PTPRF: variants seen among roughly 807,000 people sequenced by gnomAD.
PTPRF encodes the protein protein tyrosine phosphatase receptor type F.
A neutral mutation model predicts 201.8 loss-of-function variants in PTPRF; 59 were observed. That is an observed-to-expected ratio of 0.29 (90% CI 0.24 to 0.36). PTPRF has a LOEUF of 0.36. Ranked by LOEUF, PTPRF falls within the 10% of genes least tolerant of loss-of-function variation. The pLI is 1.00. For synonymous variants in PTPRF, 1,088 were observed against 1,089.7 expected, an observed-to-expected ratio of 1.00 and a Z score of 0.03; for missense variants, 2,132 against 2,690.5, an observed-to-expected ratio of 0.79 and a Z score of 4.59.
At chr1:43,529,954 T>C (rs74071932), upstream of PTPRF, among the ~76,000 whole-genome samples, 864 of 152,088 alleles carry the variant, frequency 5.7e-3, 7 homozygotes, top group African/African-American at 0.02. Flanking sequence ...TGGTATAATA[T>C]TGGGGTATTA....
Position 43,619,504 on chromosome 1 carries a change from T to C in PTPRF, c.4863T>C (p.Tyr1621=), listed in dbSNP as rs1470084341. 6.2e-7 allele frequency: 1 copy of C among 1,613,918 alleles called. No individual in the cohort carries two copies. The highest frequency in any genetic ancestry group is 8.5e-7 in the Non-Finnish European group (1 of 1,180,020). ...CAGAGGTGCCTGCCCGCAACCTGTA[T>C]GCCCACATCCAGAAGCTGGGCCAAG... ...GHTEVPARNL[Y]AHIQKLGQVP... Residue 1621 remains tyrosine, a synonymous_variant, in exon 28 of 34, where the codon TAT becomes TAC. Coordinates refer to ENST00000359947, the MANE Select transcript of PTPRF (RefSeq NM_002840.5).
intron 1 of PTPRF, among the ~76,000 whole-genome samples, chr1:43,534,431 GAT>G (rs1389806719): frequency 1.3e-5 from 2 of 152,186 alleles, no homozygotes; most frequent in African/African-American, 2.4e-5. Flanking sequence ...TGCTGGCTTT[GAT>G]AGGTGGTAGC....
In PTPRF at chr1:43,619,128, TC is replaced by T; in HGVS notation, c.4575del (p.Ile1526SerfsTer14). On this transcript the variant is annotated frameshift_variant, in exon 27 of 34. Coordinates refer to ENST00000359947, the MANE Select transcript of PTPRF (RefSeq NM_002840.5). LOFTEE classifies it high-confidence loss of function. ...PDHGVPEYPTPILAFLRRVKA... is the reference protein window; with the variant it reads ...PDHGVPEYPTXILAFLRRVKA... Reference sequence around the variant, plus strand: ...ACCATGGAGTTCCTGAGTACCCAACTCCCATCCTGGCCTTCCTACGACGGGT... The same window carrying T: ...ACCATGGAGTTCCTGAGTACCCAACTCCATCCTGGCCTTCCTACGACGGGT... 1 of 1,611,652 alleles carries T rather than the reference TC, an allele frequency of 6.2e-7. No homozygotes were observed. The highest frequency in any genetic ancestry group is 8.5e-7 in the Non-Finnish European group (1 of 1,179,226).
rs1216822839 is a variant in PTPRF at position 43,598,834 on chromosome 1, A to T, written c.2234A>T (p.Gln745Leu). 4.3e-6 allele frequency: 7 copies of T among 1,614,184 alleles called. No homozygotes were observed. Among genetic ancestry groups the T allele is most frequent in the Admixed American group, 3.3e-5 (2 of 60,016 alleles). Reference protein sequence around the residue: ...SKQHGQIRGYQVTYVRLENGE... With the variant: ...SKQHGQIRGYLVTYVRLENGE... ...CAGCATGGCCAGATCCGCGGCTACC[A>T]GGTCACCTACGTGCGGCTGGAGAAT... is the stretch of plus-strand genomic sequence containing the variant. The change falls in exon 13 of 34, where the codon CAG becomes CTG. Residue 745 changes from glutamine to leucine, a missense_variant. Around this residue, in one of 6 missense-constraint regions of PTPRF, gnomAD observed 818 missense variants for 915.3 expected, o/e 0.89. Coordinates refer to ENST00000359947, the MANE Select transcript of PTPRF (RefSeq NM_002840.5).
Position 43,531,020 on chromosome 1 carries a change from G to A in PTPRF, c.-196G>A. On this transcript the variant is annotated 5_prime_UTR_variant, in exon 1 of 34. Coordinates refer to ENST00000359947, the MANE Select transcript of PTPRF (RefSeq NM_002840.5). ...GCGGGACCAGGTGGAGGCGGCGGCG[G>A]CAGAGGAGTGGGAGCAGCGGCCCTA... 6.4e-6 allele frequency: 1 copy of A among 155,760 alleles called. No homozygotes were observed. 9.6% of individuals were successfully genotyped at this position (155,760 alleles called of 1,614,324 possible).
rs1054947747 is a variant in PTPRF, at chr1:43,603,120, G to T, written c.2341-296G>T. On this transcript the variant is annotated intron_variant, in intron 14 of 33. Transcript: ENST00000359947. The surrounding 1 kb of genome is among the most constrained non-coding windows in gnomAD (Gnocchi z 5.8). ...TGCCCTGTTGATATCCTCAGTCTCC[G>T]TTCACAGCACAGTGGAGTGAGGGAA... Among the ~76,000 whole-genome samples the T allele has an allele frequency of 1.3e-5, 2 of 152,148 alleles. No homozygotes were observed. The highest frequency in any genetic ancestry group is 2.1e-4 in the South Asian group (1 of 4,830).
intron 5 of PTPRF, among the ~76,000 whole-genome samples, chr1:43,557,571 T>C (rs1200243937): frequency 6.7e-6 from 1 of 150,238 alleles, no homozygotes; most frequent in Non-Finnish European, 1.5e-5. Context: ...GAGGAGGAGG[T>C]TGCAGTGAGC....
intron 12 of PTPRF, 144 bp from the exon 13 acceptor site, chr1:43,598,576 C>G: frequency 1.3e-6 from 1 of 779,918 alleles, no homozygotes; most frequent in South Asian, 1.8e-5. Context: ...TGTGCCTCAC[C>G]AGGGACAGAT....
chr1:43,561,336 C>T (rs1451551242), intron 5 of PTPRF, among the ~76,000 whole-genome samples: 1 of 152,168 alleles, frequency 6.6e-6, no homozygotes, highest in East Asian at 1.9e-4. Flanking sequence ...CTGCTCCAAA[C>T]CTGTATATTC....
rs75870677 is a variant in PTPRF at position 43,590,366 on chromosome 1, G to A, written c.950-606G>A. Among the ~76,000 whole-genome samples, 659 of 152,334 alleles carry A rather than the reference G, an allele frequency of 4.3e-3. 5 individuals are homozygous for A. Among genetic ancestry groups the A allele is most frequent in the African/African-American group, 0.015 (636 of 41,572 alleles). The stretch of plus-strand genomic sequence containing the variant: ...GTAAACTCCATGAGAGCAGGGATGT[G>A]ACTGTGTGGCATTGTAGCCCCAGCA... On this transcript the variant is annotated intron_variant, in intron 8 of 33. Transcript: ENST00000359947.
upstream of PTPRF, among the ~76,000 whole-genome samples, chr1:43,530,222 T>G (rs1317042190): frequency 6.6e-6 from 1 of 151,932 alleles, no homozygotes; most frequent in Non-Finnish European, 1.5e-5. The surrounding 1 kb of genome is among the most constrained non-coding windows in gnomAD (Gnocchi z 4.1). Flanking sequence ...TGCATTGGTG[T>G]TGATCTGGGA....
Position 43,537,434 on chromosome 1 carries a change from C to G in PTPRF, c.-125-764C>G, listed in dbSNP as rs569924155. On this transcript the variant is annotated intron_variant, in intron 1 of 33. Transcript: ENST00000359947. The surrounding 1 kb of genome is among the most constrained non-coding windows in gnomAD (Gnocchi z 4.8). ...CTGGGCTGTTTTCTTTGAACTCATTCATGCGTTCATCCACTCATTCAGTGT... is the reference window on the plus strand; with the variant it reads ...CTGGGCTGTTTTCTTTGAACTCATTGATGCGTTCATCCACTCATTCAGTGT... Among the ~76,000 whole-genome samples, 2 of 152,318 alleles carry G rather than the reference C, an allele frequency of 1.3e-5. No homozygotes were observed. The highest frequency in any genetic ancestry group is 3.9e-4 in the East Asian group (2 of 5,184).
chr1:43,527,502 C>T (rs1643169017), upstream of PTPRF, among the ~76,000 whole-genome samples: 2 of 152,240 alleles, frequency 1.3e-5, no homozygotes, highest in South Asian at 2.1e-4. Context: ...AGGCTGCTTA[C>T]AGGCATTCTC....
chr1:43,601,976 G>C lies in PTPRF; in HGVS notation c.2314-95G>C, dbSNP rs542918737. 1.3e-5 allele frequency: 19 copies of C among 1,464,888 alleles called. No individual in the cohort carries two copies. In the African/African-American group the frequency reaches 2.4e-4, roughly 18 times the overall value. 90.7% of individuals were successfully genotyped at this position (1,464,888 alleles called of 1,614,324 possible). A position where few individuals can be genotyped will look rare whatever the true frequency, so the allele number is the denominator to read the frequency against. The stretch of plus-strand genomic sequence containing the variant: ...TTTGAGGCCCAAAAGCCCTCCCTCT[G>C]TCCTCCCTGGGCAAGGTCCCTTCCA... On this transcript the variant is annotated intron_variant, in intron 13 of 33. Coordinates refer to ENST00000359947, the MANE Select transcript of PTPRF (RefSeq NM_002840.5).
intron 6 of PTPRF, 145 bp downstream of exon 6, chr1:43,569,923 G>C: frequency 1.1e-6 from 1 of 944,988 alleles, no homozygotes; most frequent in Non-Finnish European, 1.5e-6. Context: ...TCTTACTGCA[G>C]GTGTGCCTGG....
chr1:43,617,977 C>T (rs1371805754), intron 25 of PTPRF, 66 bp downstream of exon 25: 3 of 1,492,898 alleles, frequency 2.0e-6, no homozygotes, highest in East Asian at 4.7e-5. Flanking sequence ...ATACAGGGCA[C>T]CTTCTTCTGT....
chr1:43,607,450 T>C (rs752153058), intron 21 of PTPRF, among the ~76,000 whole-genome samples: 1 of 152,344 alleles, frequency 6.6e-6, no homozygotes, highest in Middle Eastern at 3.4e-3. Context: ...GATGGCCTGC[T>C]GTGCCCGTGC....
At position 43,603,886 on chromosome 1, in the gene PTPRF, G is replaced by A. The variant is rs138034295; in HGVS notation, c.2734G>A (p.Glu912Lys). The A allele has an allele frequency of 6.8e-6, 11 of 1,614,030 alleles. No homozygotes were observed. The highest frequency in any genetic ancestry group is 9.3e-6 in the Non-Finnish European group (11 of 1,180,032). The change falls in exon 16 of 34, where the codon GAG (glutamate) becomes AAG (lysine). Residue 912 changes from glutamate to lysine, a missense_variant. Around this residue, in one of 6 missense-constraint regions of PTPRF, gnomAD observed 818 missense variants for 915.3 expected, o/e 0.89. Transcript: ENST00000359947. This position sits in a 1 kb window ranked among gnomAD's most constrained non-coding sequence, Gnocchi z 5.8. ...GTTCGAGAAGGAGATCAGGACCCCC[G>A]AGGACCTGCCCAGCGGCTTCCCCCA... is the stretch of plus-strand genomic sequence containing the variant. ...EEFEKEIRTP[E>K]DLPSGFPQNL...
rs762781744 is a variant in PTPRF, at chr1:43,598,713, C to T, written c.2120-7C>T. ...GGCCTGACTTCCTTCTCTACCTGAC[C>T]CCCCAGTGCCCAGCGGGCCTCCGCG... On this transcript the variant is annotated splice_polypyrimidine_tract_variant and splice_region_variant and intron_variant, in intron 12 of 33. Coordinates refer to ENST00000359947, the MANE Select transcript of PTPRF (RefSeq NM_002840.5). 8 of 1,609,312 alleles carry T rather than the reference C, an allele frequency of 5.0e-6. No homozygotes were observed. Among genetic ancestry groups the T allele is most frequent in the Non-Finnish European group, 6.8e-6 (8 of 1,176,576 alleles).
Sources: allele counts gnomAD v4.1 joint callset (sites outside exome capture counted in the v4.1 genomes callset), GRCh38; gene constraint gnomAD v4.1.1; regional missense constraint gnomAD v4.1.1; non-coding constraint Gnocchi (gnomAD v3.1); transcripts MANE v1.5; gene names NCBI Gene and HGNC (gene_info 2026-07-23, HGNC 2026-07-21).